The following NRXN1 variants were observed in gnomAD, a reference collection of about 807,000 sequenced individuals.
The protein encoded by NRXN1 is neurexin 1, also known as neurexin-1.
NRXN1 carries 39 observed loss-of-function variants against 150.9 expected under a neutral mutation model. The ratio of observed to expected loss-of-function variants is 0.26; its 90% CI spans 0.20 to 0.34. The LOEUF (loss-of-function observed/expected upper bound fraction) is 0.34. Among genes scored for constraint, NRXN1 ranks in the 10% least tolerant of loss-of-function variants. NRXN1 has a pLI of 1.00. For synonymous variants in NRXN1, 924 were observed against 757.0 expected (o/e 1.22, Z -3.62); for missense variants, 1,815 against 1,949.9 (o/e 0.93, Z 1.30).
chr2:50,922,929 T>A (rs1013420808), intron 3 of NRXN1, among the ~76,000 whole-genome samples: 35 of 151,934 alleles, frequency 2.3e-4, no homozygotes, highest in African/African-American at 8.2e-4. Flanking sequence ...CATGCATCAG[T>A]TGGAACAACC....
At chr2:50,385,171 T>C (rs2081244602) in intron 17 of NRXN1, among the ~76,000 whole-genome samples, 1 of 152,204 alleles carries the variant, frequency 6.6e-6, no homozygotes, top group Admixed American at 6.5e-5. Context: ...TTCCCCCAAC[T>C]TTCCCATTTT....
chr2:50,082,085 C>G (rs1233149845), intron 19 of NRXN1, among the ~76,000 whole-genome samples: 1 of 152,162 alleles, frequency 6.6e-6, no homozygotes, highest in Non-Finnish European at 1.5e-5. Context: ...CAGTGCTTAG[C>G]TATTCCTATA....
intron 15 of NRXN1, among the ~76,000 whole-genome samples, chr2:50,474,839 C>CCCAAAAAA (rs1558795095): frequency 3.7e-5 from 4 of 108,850 alleles, no homozygotes; most frequent in Non-Finnish European, 7.4e-5. Flanking sequence ...GCCCCCCTAC[C>CCCAAAAAA]AAAAAAAAAA....
At chr2:49,927,581 G>A (rs1213206889) in intron 22 of NRXN1, among the ~76,000 whole-genome samples, 2 of 152,162 alleles carry the variant, frequency 1.3e-5, no homozygotes, top group Non-Finnish European at 2.9e-5. Context: ...CCTTTGCAAT[G>A]GTGACATCCT....
At chr2:50,792,136 C>T (rs958348491) in intron 5 of NRXN1, among the ~76,000 whole-genome samples, 1 of 152,000 alleles carries the variant, frequency 6.6e-6, no homozygotes, top group Non-Finnish European at 1.5e-5. Context: ...ATTAGCTTTG[C>T]GACTTTGGGT....
chr2:50,273,835 C>T (rs560914610), intron 17 of NRXN1, among the ~76,000 whole-genome samples: 1 of 152,250 alleles, frequency 6.6e-6, no homozygotes, highest in African/African-American at 2.4e-5. Flanking sequence ...CATACCATCT[C>T]ATGTCAGTTA....
rs533441999 is a variant in NRXN1, at chr2:50,047,733, G to T, written c.4128+5538C>A. On this transcript the variant is annotated intron_variant, in intron 21 of 22. Coordinates refer to ENST00000401669, the MANE Select transcript of NRXN1 (RefSeq NM_001330078.2). ...CTGTTTTTTTTTCTTTTTTCCTGCAGCCTTTGACATCCCACACTATTCGTT... is the reference window on the plus strand; with the variant it reads ...CTGTTTTTTTTTCTTTTTTCCTGCATCCTTTGACATCCCACACTATTCGTT... Among the ~76,000 whole-genome samples the T allele has an allele frequency of 6.0e-5, 9 of 150,584 alleles. No homozygotes were observed. In the South Asian group the frequency reaches 1.9e-3, roughly 31 times the overall value.
At chr2:50,413,895 G>C (rs1203602912) in intron 17 of NRXN1, among the ~76,000 whole-genome samples, 1 of 152,012 alleles carries the variant, frequency 6.6e-6, no homozygotes, top group Non-Finnish European at 1.5e-5. Context: ...AGATGGAACT[G>C]GGCATTATTA....
intron 2 of NRXN1, among the ~76,000 whole-genome samples, chr2:51,014,396 T>C (rs1668357172): frequency 6.6e-6 from 1 of 152,044 alleles, no homozygotes; most frequent in South Asian, 2.1e-4. Flanking sequence ...TGGATTTTAT[T>C]TCCACTGAAG....
At chr2:50,788,372 C>T (rs1419500366) in intron 5 of NRXN1, among the ~76,000 whole-genome samples, 2 of 152,040 alleles carry the variant, frequency 1.3e-5, no homozygotes, top group Non-Finnish European at 2.9e-5. Context: ...CAGGCATGAG[C>T]CACCGCGCCC....
intron 18 of NRXN1, among the ~76,000 whole-genome samples, chr2:50,141,937 A>G (rs942028904): frequency 3.9e-5 from 6 of 152,096 alleles, no homozygotes; most frequent in African/African-American, 1.4e-4. Flanking sequence ...TGATTCAGCA[A>G]TCCCACTACT....
chr2:50,062,282 T>G (rs1363041), intron 19 of NRXN1, among the ~76,000 whole-genome samples: 104,335 of 151,872 alleles, frequency 0.69, 36,696 homozygotes, highest in African/African-American at 0.84. Flanking sequence ...GAGCTCTCAT[T>G]AATGGGATTA....
intron 17 of NRXN1, among the ~76,000 whole-genome samples, chr2:50,348,047 T>C (rs942124577): frequency 1.3e-5 from 2 of 152,186 alleles, no homozygotes; most frequent in Admixed American, 6.5e-5. Flanking sequence ...CCCTACCCAA[T>C]GGTTTAGATG....
At position 50,540,958 on chromosome 2, in the gene NRXN1, A is replaced by G. The variant is rs183986658; in HGVS notation, c.1760-2322T>C. ...ATTACAGGCGTGAGCCACCACACCC[A>G]GCCAAAGTGACATGTTCTTAAATAA... On this transcript the variant is annotated intron_variant, in intron 9 of 22. Transcript: ENST00000401669. Among the ~76,000 whole-genome samples, 326 of 152,118 alleles carry G rather than the reference A, an allele frequency of 2.1e-3. 3 individuals carry two copies. The highest frequency in any genetic ancestry group is 7.7e-3 in the African/African-American group (320 of 41,534).
At chr2:50,979,205 G>C in intron 2 of NRXN1, 1 of 508,288 alleles carries the variant, frequency 2.0e-6, no homozygotes, top group Admixed American at 2.0e-5. Flanking sequence ...GAAAGTAAGC[G>C]ATTTCCTCTG....
intron 18 of NRXN1, among the ~76,000 whole-genome samples, chr2:50,148,962 A>G (rs745405897): frequency 6.6e-5 from 10 of 151,770 alleles, no homozygotes; most frequent in Non-Finnish European, 1.2e-4. Flanking sequence ...TACAGTGTGT[A>G]TAATCATCTC....
Position 50,353,723 on chromosome 2 carries a change from T to C in NRXN1, c.3364+111719A>G, listed in dbSNP as rs149851198. Among the ~76,000 whole-genome samples the C allele has an allele frequency of 4.0e-3, 605 of 152,310 alleles. 3 individuals carry two copies. Among genetic ancestry groups the C allele is most frequent in the Non-Finnish European group, 7.2e-3 (488 of 68,006 alleles). On this transcript the variant is annotated intron_variant, in intron 17 of 22. Transcript: ENST00000401669. ...GACATAAAGATAATGAGCTGCGATG[T>C]GGTTTTTAATTTGGCCATATTCTAA...
chr2:50,858,203 G>T (rs1374415921), intron 5 of NRXN1, among the ~76,000 whole-genome samples: 1 of 151,912 alleles, frequency 6.6e-6, no homozygotes, highest in East Asian at 1.9e-4. Flanking sequence ...TCATCAACAG[G>T]CATTGCCAAT....
At chr2:50,775,507 T>G (rs1229225551) in intron 5 of NRXN1, among the ~76,000 whole-genome samples, 5 of 152,192 alleles carry the variant, frequency 3.3e-5, no homozygotes, top group Admixed American at 3.3e-4. Context: ...AGAGTTTTTA[T>G]TCCACTAACA....
Sources: allele counts gnomAD v4.1 joint callset (sites outside exome capture counted in the v4.1 genomes callset), GRCh38; gene constraint gnomAD v4.1.1; transcripts MANE v1.5; gene names NCBI Gene and HGNC (gene_info 2026-07-23, HGNC 2026-07-21).